PDZD2: variants seen among roughly 807,000 people sequenced by gnomAD.
The protein encoded by PDZD2 is PDZ domain containing 2.
PDZD2 carries 90 observed loss-of-function variants against 220.7 expected under a neutral mutation model. The observed-to-expected ratio is 0.41, with a 90% CI of 0.34 to 0.49. PDZD2 has a LOEUF of 0.49. Ranked by LOEUF, PDZD2 falls within the 20% of genes least tolerant of loss-of-function variation. The probability of loss-of-function intolerance (pLI) is 0.28; values close to 1 mark genes in which losing one functional copy is unlikely to be tolerated. For missense variants in PDZD2, 3,174 were observed against 3,608.5 expected (o/e 0.88, Z 3.08); for synonymous variants, 1,375 against 1,450.5 (o/e 0.95, Z 1.18).
chr5:31,772,786 T>C (rs1372334117), intron 1 of PDZD2, among the ~76,000 whole-genome samples: 2 of 152,252 alleles, frequency 1.3e-5, no homozygotes, highest in Non-Finnish European at 2.9e-5. Flanking sequence ...CTCCTGTTTT[T>C]AGAAGAATTA....
intron 2 of PDZD2, among the ~76,000 whole-genome samples, chr5:31,922,183 A>G (rs957901898): frequency 3.9e-5 from 6 of 152,200 alleles, no homozygotes; most frequent in African/African-American, 1.2e-4. Flanking sequence ...TTCCTTGCCA[A>G]TGTTTCGGAA....
At chr5:31,697,806 T>C (rs1393479537) in intron 1 of PDZD2, among the ~76,000 whole-genome samples, 1 of 152,172 alleles carries the variant, frequency 6.6e-6, no homozygotes. Context: ...TTGGGTCTGG[T>C]TGGGATGCCC....
At chr5:31,849,194 C>G (rs1271903556) in intron 2 of PDZD2, among the ~76,000 whole-genome samples, 1 of 152,166 alleles carries the variant, frequency 6.6e-6, no homozygotes, top group African/African-American at 2.4e-5. Context: ...TTTCCTCCCT[C>G]TGAATAGCTA....
intron 5 of PDZD2, among the ~76,000 whole-genome samples, chr5:32,007,703 G>C (rs1254834402): frequency 6.6e-6 from 1 of 152,180 alleles, no homozygotes; most frequent in Non-Finnish European, 1.5e-5. Flanking sequence ...TGATTAAGAC[G>C]TTCTGTGTGT....
intron 2 of PDZD2, among the ~76,000 whole-genome samples, chr5:31,886,256 A>G (rs1381475534): frequency 6.6e-6 from 1 of 152,176 alleles, no homozygotes; most frequent in Non-Finnish European, 1.5e-5. Context: ...TATCTTCCAC[A>G]ATTAACAATG....
chr5:31,651,864 C>A (rs11953302), intron 1 of PDZD2, among the ~76,000 whole-genome samples: 7,041 of 147,508 alleles, frequency 0.048, 212 homozygotes, highest in East Asian at 0.16. Context: ...GTCACCCAGG[C>A]TGGAGTGTAG....
intron 7 of PDZD2, among the ~76,000 whole-genome samples, chr5:32,047,538 A>T (rs929615872): frequency 1.0e-4 from 15 of 150,728 alleles, no homozygotes; most frequent in African/African-American, 3.7e-4. Context: ...TGTTAAGAAA[A>T]AGAAGAAGAA....
At chr5:31,864,404 T>G (rs1452147107) in intron 2 of PDZD2, among the ~76,000 whole-genome samples, 5 of 152,198 alleles carry the variant, frequency 3.3e-5, no homozygotes. Flanking sequence ...GTGCCTTCTG[T>G]TTCCTGCTGG....
chr5:32,010,496 T>C lies in PDZD2; in HGVS notation c.1407+14T>C. The C allele has an allele frequency of 6.3e-7, 1 of 1,594,922 alleles. No homozygotes were observed. Among genetic ancestry groups the C allele is most frequent in the Non-Finnish European group, 8.6e-7 (1 of 1,165,174 alleles). ...GTCCAGAGAGCAGTAAGTGGCTCTG[T>C]GCTCCTGGCTTTCTGTTGGAATTAC... On this transcript the variant is annotated intron_variant, in intron 6 of 24. Coordinates refer to ENST00000438447, the MANE Select transcript of PDZD2 (RefSeq NM_178140.4).
rs370311199 is a variant in PDZD2, at chr5:31,817,671, A to G, written c.476+17947A>G. ...TATTTATCCATCTATCTATCTATCT[A>G]TATATTTTTTGAGACAGAGTCTCAC... is the stretch of plus-strand genomic sequence containing the variant. On this transcript the variant is annotated intron_variant, in intron 2 of 24. Transcript: ENST00000438447. Among the ~76,000 whole-genome samples the G allele has an allele frequency of 1.4e-4, 21 of 151,986 alleles. No homozygotes were observed. In the East Asian group the frequency reaches 3.9e-3, roughly 28 times the overall value.
At chr5:31,851,661 C>A (rs1032280642) in intron 2 of PDZD2, among the ~76,000 whole-genome samples, 3 of 152,180 alleles carry the variant, frequency 2.0e-5, no homozygotes, top group Non-Finnish European at 4.4e-5. Context: ...ATTATTTAAA[C>A]CAGACCCAAG....
chr5:31,822,253 A>C (rs1034783798), intron 2 of PDZD2, among the ~76,000 whole-genome samples: 36 of 150,634 alleles, frequency 2.4e-4, no homozygotes, highest in Admixed American at 4.0e-4. Flanking sequence ...TACATACACA[A>C]ACTTTTTTTC....
chr5:31,762,658 G>C (rs12657903), intron 1 of PDZD2, among the ~76,000 whole-genome samples: 85,477 of 152,028 alleles, frequency 0.56, 24,415 homozygotes, highest in East Asian at 0.83. Context: ...ACTTGAAGCA[G>C]TTCACAGCTG....
At chr5:31,723,425 A>T (rs866320095) in intron 1 of PDZD2, among the ~76,000 whole-genome samples, 1 of 152,104 alleles carries the variant, frequency 6.6e-6, no homozygotes, top group Non-Finnish European at 1.5e-5. Flanking sequence ...ACTAGAAATT[A>T]TCAATGGTTA....
At chr5:31,981,949 T>C (rs1750330991) in intron 2 of PDZD2, among the ~76,000 whole-genome samples, 1 of 152,234 alleles carries the variant, frequency 6.6e-6, no homozygotes, top group Non-Finnish European at 1.5e-5. Context: ...GGAGCAGTTA[T>C]CATGTCATGC....
chr5:31,996,802 G>A (rs1751672758), intron 4 of PDZD2, among the ~76,000 whole-genome samples: 1 of 152,304 alleles, frequency 6.6e-6, no homozygotes, highest in South Asian at 2.1e-4. Flanking sequence ...GATCACTTGA[G>A]CCCGGGAGAT....
At chr5:31,796,408 A>G (rs1754028561) in intron 1 of PDZD2, among the ~76,000 whole-genome samples, 1 of 152,106 alleles carries the variant, frequency 6.6e-6, no homozygotes, top group African/African-American at 2.4e-5. Flanking sequence ...CCACCGATCA[A>G]CTTCTCTATT....
chr5:31,975,192 G>A (rs1295380305), intron 2 of PDZD2, among the ~76,000 whole-genome samples: 3 of 152,298 alleles, frequency 2.0e-5, no homozygotes, highest in South Asian at 4.2e-4. Context: ...GTGATTTATA[G>A]AGGAAAGAAG....
chr5:31,988,171 T>C (rs1293114419), intron 3 of PDZD2, among the ~76,000 whole-genome samples: 2 of 152,144 alleles, frequency 1.3e-5, no homozygotes, highest in Admixed American at 1.3e-4. Context: ...AACATACATG[T>C]GCATGCACAC....
Sources: gnomAD v4.1 joint callset for allele counts (sites outside exome capture counted in the v4.1 genomes callset) on GRCh38, gnomAD v4.1.1 for gene constraint, MANE v1.5 for transcripts, NCBI Gene and HGNC (gene_info 2026-07-23, HGNC 2026-07-21) for gene names.